Variants in PDE1C observed in about 807,000 individuals in gnomAD.
PDE1C encodes phosphodiesterase 1C.
PDE1C carries 62 observed loss-of-function variants against 93.1 expected under a neutral mutation model. The ratio of observed to expected loss-of-function variants is 0.67; its 90% confidence interval spans 0.54 to 0.82. The LOEUF is 0.82. Ranked by LOEUF, PDE1C falls within the 40% of genes least tolerant of loss-of-function variation. PDE1C has a pLI of 0.00. For synonymous variants in PDE1C, 325 were observed against 310.1 expected, an observed-to-expected ratio of 1.05 and a Z score of -0.50; for missense variants, 742 against 884.6, an observed-to-expected ratio of 0.84 and a Z score of 2.04.
intron 17 of PDE1C, among the ~76,000 whole-genome samples, chr7:31,766,341 G>A (rs1275326664): frequency 6.6e-6 from 1 of 150,502 alleles, no homozygotes; most frequent in South Asian, 2.1e-4. Context: ...CCGAGATGGC[G>A]CCACTGCACT....
Position 32,077,821 on chromosome 7 carries a change from G to A in PDE1C, c.308+91964C>T, listed in dbSNP as rs190935119. ...CCTGACTTCAGGATCCACCTGCCTC[G>A]GCCTCCCAAAATGCTGGGATTACAG... is the stretch of plus-strand genomic sequence containing the variant. On this transcript the variant is annotated intron_variant, in intron 3 of 18. Coordinates refer to the PDE1C transcript ENST00000396193. 7.6e-4 allele frequency: 739 copies of A among 968,168 alleles called. 3 individuals are homozygous for A. Among genetic ancestry groups the A allele is most frequent in the Admixed American group, 7.2e-3 (117 of 16,248 alleles). 60.0% of individuals were successfully genotyped at this position (968,168 alleles called of 1,614,324 possible). A position where few individuals can be genotyped will look rare whatever the true frequency, so the allele number is the denominator to read the frequency against.
chr7:31,945,738 C>T (rs1410922192), intron 2 of PDE1C, among the ~76,000 whole-genome samples: 1 of 152,090 alleles, frequency 6.6e-6, no homozygotes, highest in African/African-American at 2.4e-5. Flanking sequence ...ACGTTCTCAG[C>T]TATTATTACT....
chr7:32,338,722 G>C (rs950123720), intron 1 of PDE1C, among the ~76,000 whole-genome samples: 7 of 152,144 alleles, frequency 4.6e-5, no homozygotes, highest in African/African-American at 1.4e-4. Flanking sequence ...CCAAAGAGAA[G>C]GCCGGGCACG....
At chr7:31,799,135 T>C (rs1231180865) in intron 16 of PDE1C, among the ~76,000 whole-genome samples, 1 of 151,754 alleles carries the variant, frequency 6.6e-6, no homozygotes, top group Non-Finnish European at 1.5e-5. Context: ...AAAGGTCATG[T>C]GACAAAGCAT....
At chr7:32,299,108 C>T (rs1341569332) in exon 1 of PDE1C, 2 of 1,050,978 alleles carry the variant, frequency 1.9e-6, no homozygotes, top group African/African-American at 3.4e-5. Context: ...CCGCGGATCC[C>T]GCGCGCCACA....
intron 2 of PDE1C, among the ~76,000 whole-genome samples, chr7:31,979,215 T>C (rs187078448): frequency 5.9e-5 from 9 of 152,288 alleles, no homozygotes; most frequent in South Asian, 2.1e-4. Context: ...TGAGGCAGTA[T>C]AGATTGACAA....
chr7:32,287,312 G>T (rs1585081400), intron 1 of PDE1C, among the ~76,000 whole-genome samples: 1 of 152,056 alleles, frequency 6.6e-6, no homozygotes, highest in African/African-American at 2.4e-5. Context: ...GCCCTCAATA[G>T]CCCATCTCCT....
intron 2 of PDE1C, among the ~76,000 whole-genome samples, chr7:32,047,798 G>A (rs1003158745): frequency 6.6e-6 from 1 of 152,056 alleles, no homozygotes; most frequent in Non-Finnish European, 1.5e-5. Flanking sequence ...GTAAACAAAT[G>A]TAGATTATTT....
chr7:31,620,329 C>T, the PDE1C span, among the ~76,000 whole-genome samples: 2 of 152,016 alleles, frequency 1.3e-5, no homozygotes, highest in Non-Finnish European at 2.9e-5. Context: ...TGACCCCTGA[C>T]CCCTGAGCAG....
At chr7:32,256,864 T>G in intron 1 of PDE1C, among the ~76,000 whole-genome samples, 1 of 152,218 alleles carries the variant, frequency 6.6e-6, no homozygotes, top group East Asian at 1.9e-4. Context: ...GGTGCCACTG[T>G]TTCAACTTCC....
chr7:32,068,520 A>C (rs1315344374), intron 1 of PDE1C, among the ~76,000 whole-genome samples: 1 of 152,242 alleles, frequency 6.6e-6, no homozygotes, highest in Non-Finnish European at 1.5e-5. Context: ...CACACTTTTC[A>C]TGTTCAAAAG....
intron 1 of PDE1C, among the ~76,000 whole-genome samples, chr7:32,056,318 C>A (rs892899117): frequency 1.7e-5 from 2 of 115,604 alleles, no homozygotes; most frequent in East Asian, 2.7e-4. Context: ...ATGGGTCCAC[C>A]GTTCTCTCTC....
At chr7:32,077,919 C>T in intron 3 of PDE1C, 1 of 985,244 alleles carries the variant, frequency 1.0e-6, no homozygotes, top group East Asian at 1.1e-4. Context: ...TGCCAGCTTC[C>T]CTCCGGCTGG....
chr7:31,943,336 T>C (rs978725763), intron 2 of PDE1C, among the ~76,000 whole-genome samples: 3 of 152,178 alleles, frequency 2.0e-5, no homozygotes, highest in Non-Finnish European at 2.9e-5. Context: ...TTGGCCCTTG[T>C]CCTGCAGTCA....
At chr7:32,234,191 A>T (rs992232630) in intron 1 of PDE1C, among the ~76,000 whole-genome samples, 4 of 151,984 alleles carry the variant, frequency 2.6e-5, no homozygotes, top group African/African-American at 9.6e-5. Context: ...TTTTATTAGG[A>T]AAAAAGAGTT....
chr7:31,931,007 C>T (rs573548511), intron 2 of PDE1C, among the ~76,000 whole-genome samples: 35 of 152,078 alleles, frequency 2.3e-4, no homozygotes, highest in African/African-American at 6.0e-4. Context: ...TCTCAATAGA[C>T]GCAGAAAAGG....
chr7:31,691,797 T>TAAAAAAAAAAAAAAAAA, the PDE1C span, among the ~76,000 whole-genome samples: 5 of 86,542 alleles, frequency 5.8e-5, no homozygotes, highest in Non-Finnish European at 8.8e-5. Flanking sequence ...ATGTAATGAT[T>TAAAAAAAAAAAAAAAAA]AAAAAAAAAA....
At chr7:32,138,943 G>C (rs142696667) in intron 3 of PDE1C, among the ~76,000 whole-genome samples, 1 of 152,262 alleles carries the variant, frequency 6.6e-6, no homozygotes, top group East Asian at 1.9e-4. Context: ...TTTCTGCAAT[G>C]ATGGAAATGT....
the PDE1C span, among the ~76,000 whole-genome samples, chr7:31,626,899 A>C: frequency 6.6e-6 from 1 of 152,242 alleles, no homozygotes; most frequent in African/African-American, 2.4e-5. Context: ...TGTTTGTGGG[A>C]TAAACAAATA....
Sources: gnomAD v4.1 joint callset for allele counts (sites outside exome capture counted in the v4.1 genomes callset) on GRCh38, gnomAD v4.1.1 for gene constraint, MANE v1.5 for transcripts, NCBI Gene and HGNC (gene_info 2026-07-23, HGNC 2026-07-21) for gene names.